The following JAZF1 variants were observed in gnomAD, a reference collection of about 807,000 sequenced individuals.
JAZF1 encodes the protein juxtaposed with another zinc finger protein 1.
JAZF1 carries 8 observed loss-of-function variants against 26.4 expected under a neutral mutation model. That is an observed-to-expected ratio of 0.30 (90% CI 0.18 to 0.55). The LOEUF (loss-of-function observed/expected upper bound fraction) is 0.55. JAZF1 is among the 20% of genes least tolerant of loss of function. The pLI is 0.94. For synonymous variants in JAZF1, 126 were observed against 122.3 expected (o/e 1.03, Z -0.20); for missense variants, 199 against 322.0 (o/e 0.62, Z 2.92).
At chr7:28,136,581 T>C (rs1782889687) in intron 1 of JAZF1, among the ~76,000 whole-genome samples, 1 of 152,254 alleles carries the variant, frequency 6.6e-6, no homozygotes, top group African/African-American at 2.4e-5. Flanking sequence ...GTGGTATGAT[T>C]AGACAGCTCA....
At chr7:28,018,762 T>C (rs1182105640) in intron 1 of JAZF1, among the ~76,000 whole-genome samples, 5 of 152,144 alleles carry the variant, frequency 3.3e-5, no homozygotes, top group African/African-American at 1.2e-4. Flanking sequence ...GGTTCTACTG[T>C]GTTCTGGTGG....
intron 1 of JAZF1, among the ~76,000 whole-genome samples, chr7:27,996,828 G>A (rs1458848849): frequency 2.4e-4 from 37 of 152,198 alleles, no homozygotes; most frequent in Non-Finnish European, 2.2e-4. Flanking sequence ...CTGGCACTCA[G>A]CTCAGTGCCC....
At chr7:28,155,546 AT>A (rs1190340551) in intron 1 of JAZF1, among the ~76,000 whole-genome samples, 1 of 152,218 alleles carries the variant, frequency 6.6e-6, no homozygotes, top group Non-Finnish European at 1.5e-5. Flanking sequence ...GAAATGAGTA[AT>A]TTAGGAACCT....
At chr7:27,877,241 C>T (rs1583443414) in intron 3 of JAZF1, among the ~76,000 whole-genome samples, 1 of 152,186 alleles carries the variant, frequency 6.6e-6, no homozygotes, top group Non-Finnish European at 1.5e-5. Flanking sequence ...ATGAAGCCTG[C>T]CCATGGCTCC....
intron 3 of JAZF1, among the ~76,000 whole-genome samples, chr7:27,892,126 ATCTC>A (rs1313102764): frequency 2.0e-5 from 3 of 152,202 alleles, no homozygotes; most frequent in South Asian, 2.1e-4. Context: ...AAATAAGCTG[ATCTC>A]TCTAACTACA....
rs1783873035 is a variant in JAZF1 at position 27,886,802 on chromosome 7, A to C, written c.385+8418T>G. 2.0e-5 allele frequency among the ~76,000 whole-genome samples: 3 copies of C among 152,224 alleles called. No homozygotes were observed. The South Asian group carries it at 6.2e-4, about 32-fold the overall frequency. On this transcript the variant is annotated intron_variant, in intron 3 of 4. Coordinates refer to ENST00000283928, the MANE Select transcript of JAZF1 (RefSeq NM_175061.4). ...TTATAACAAGATAGATGCTCAGATAAATGTTCATTGCAGCACTATTCACGA... is the reference window on the plus strand; with the variant it reads ...TTATAACAAGATAGATGCTCAGATACATGTTCATTGCAGCACTATTCACGA...
chr7:28,059,804 C>T (rs1485385706), intron 1 of JAZF1, among the ~76,000 whole-genome samples: 1 of 152,176 alleles, frequency 6.6e-6, no homozygotes, highest in Non-Finnish European at 1.5e-5. Context: ...ATTTTCTGCC[C>T]TGCCATCACT....
intron 1 of JAZF1, among the ~76,000 whole-genome samples, chr7:28,092,290 C>CCAAAAAA (rs1784310777): frequency 2.5e-3 from 32 of 12,802 alleles, no homozygotes; most frequent in African/African-American, 6.9e-3. Flanking sequence ...GGACAAAAGG[C>CCAAAAAA]AAAAAAAAAA....
chr7:27,879,980 G>T (rs762288952), intron 3 of JAZF1, among the ~76,000 whole-genome samples: 10 of 152,188 alleles, frequency 6.6e-5, no homozygotes, highest in Non-Finnish European at 1.0e-4. Context: ...TTATATAATA[G>T]AAAACACACA....
chr7:27,972,496 T>C (rs1209476604), intron 2 of JAZF1, among the ~76,000 whole-genome samples: 3 of 152,162 alleles, frequency 2.0e-5, no homozygotes, highest in Non-Finnish European at 4.4e-5. Context: ...ATGTTGGCCA[T>C]GATAAGAAGT....
In JAZF1 at chr7:27,845,711, A is replaced by AAGAAAAAAG. The variant is rs57559915; in HGVS notation, c.386-4845_386-4844insCTTTTTTCT. ...GACTCTGCCTCAAAAAAAAAAAAAA[A>AAGAAAAAAG]AAAGAAAAGAAAAAGAAAAAGAAAT... On this transcript the variant is annotated intron_variant, in intron 3 of 4. Coordinates refer to ENST00000283928, the MANE Select transcript of JAZF1 (RefSeq NM_175061.4). 2.1e-3 allele frequency among the ~76,000 whole-genome samples: 291 copies of AAGAAAAAAG among 137,700 alleles called. 8 individuals carry two copies. The highest frequency in any genetic ancestry group is 7.7e-3 in the African/African-American group (274 of 35,470). The allele number at this position is 137,700 out of a possible 152,430, so 90.3% of individuals were successfully genotyped here. A position where few individuals can be genotyped will look rare whatever the true frequency, so the allele number is the denominator to read the frequency against.
At chr7:28,148,341 G>C (rs1211384265) in intron 1 of JAZF1, among the ~76,000 whole-genome samples, 2 of 152,128 alleles carry the variant, frequency 1.3e-5, no homozygotes, top group Non-Finnish European at 2.9e-5. Context: ...AAAGTGCTGG[G>C]ATTATAGGCG....
At chr7:27,905,563 AT>A (rs1314015879) in intron 2 of JAZF1, among the ~76,000 whole-genome samples, 44 of 146,994 alleles carry the variant, frequency 3.0e-4, no homozygotes, top group African/African-American at 8.8e-4. Context: ...TTTATTTTTT[AT>A]TTTTTTTCTT....
chr7:28,049,553 C>G (rs1444939294), intron 1 of JAZF1, among the ~76,000 whole-genome samples: 1 of 152,062 alleles, frequency 6.6e-6, no homozygotes, highest in Non-Finnish European at 1.5e-5. Context: ...GTGTCAGTTC[C>G]CACAGGTAAA....
chr7:27,969,999 C>T (rs1213124858), intron 2 of JAZF1, among the ~76,000 whole-genome samples: 2 of 152,166 alleles, frequency 1.3e-5, no homozygotes, highest in African/African-American at 2.4e-5. Context: ...TTGGGCAAGT[C>T]ACTGAATTTC....
At chr7:27,942,522 A>G (rs1356244551) in intron 2 of JAZF1, among the ~76,000 whole-genome samples, 1 of 152,186 alleles carries the variant, frequency 6.6e-6, no homozygotes, top group Non-Finnish European at 1.5e-5. Flanking sequence ...TTTAATCCAC[A>G]CAGCATCCCT....
chr7:27,983,815 G>A (rs993965190), intron 2 of JAZF1, among the ~76,000 whole-genome samples: 2 of 152,170 alleles, frequency 1.3e-5, no homozygotes, highest in African/African-American at 4.8e-5. Flanking sequence ...TAAAGAAAAG[G>A]ATTTTCAACC....
intron 2 of JAZF1, among the ~76,000 whole-genome samples, chr7:27,924,137 G>A (rs929219618): frequency 5.3e-5 from 8 of 152,246 alleles, no homozygotes; most frequent in African/African-American, 1.7e-4. Context: ...GGAGTGCAGT[G>A]GCGCCATCTC....
chr7:27,879,764 TG>T (rs1783739074), intron 3 of JAZF1, among the ~76,000 whole-genome samples: 1 of 152,100 alleles, frequency 6.6e-6, no homozygotes, highest in African/African-American at 2.4e-5. Flanking sequence ...GAGGAACCAA[TG>T]AAAAAATATT....
Sources: gnomAD v4.1 joint callset for allele counts (sites outside exome capture counted in the v4.1 genomes callset) on GRCh38, gnomAD v4.1.1 for gene constraint, MANE v1.5 for transcripts, NCBI Gene and HGNC (gene_info 2026-07-23, HGNC 2026-07-21) for gene names.